The following EPG5 variants were observed in gnomAD, a reference collection of about 807,000 sequenced individuals.
EPG5 encodes ectopic P granules protein 5 homolog.
Under a neutral mutation model 302.7 loss-of-function variants are expected in EPG5, and 159 were observed. That is an observed-to-expected ratio of 0.53 (90% CI 0.46 to 0.60). EPG5 has a LOEUF of 0.60. EPG5 is among the 20% of genes least tolerant of loss of function. EPG5 has a pLI of 0.00. For missense variants in EPG5, 2,896 were observed against 3,092.4 expected, an observed-to-expected ratio of 0.94 and a Z score of 1.51; for synonymous variants, 1,158 against 1,136.8, an observed-to-expected ratio of 1.02 and a Z score of -0.37.
At position 45,901,063 on chromosome 18, in the gene EPG5, G is replaced by C. The variant is rs529503518; in HGVS notation, c.4579C>G (p.Leu1527Val). The change falls in exon 26 of 44, where the codon CTA becomes GTA. Residue 1527 changes from leucine to valine, a missense_variant. Physicochemically the swap from Leu to Val is conservative, Grantham distance 32 (BLOSUM62 1). Transcript: ENST00000282041. ...TGGGTGGCGTCCTTCTGACTCAATA[G>C]CACAGCAGAGGAAATAACTGGCACA... ...PPVPVISSAV[L>V]LSQKDATQLV... The C allele has an allele frequency of 1.2e-6, 2 of 1,614,198 alleles. No homozygotes were observed. The highest frequency in any genetic ancestry group is 2.2e-5 in the South Asian group (2 of 91,086).
chr18:45,837,261 G>A, the EPG5 span, among the ~76,000 whole-genome samples: 1 of 152,214 alleles, frequency 6.6e-6, no homozygotes, highest in East Asian at 1.9e-4. Context: ...TAGTCCCAGG[G>A]AAGAGCCGCG....
chr18:45,941,152 TG>T (rs2050656850), intron 9 of EPG5, among the ~76,000 whole-genome samples: 1 of 152,094 alleles, frequency 6.6e-6, no homozygotes, highest in South Asian at 2.1e-4. Context: ...TTAAGAAGCC[TG>T]GAAGTGAGAA....
chr18:45,870,415 A>T, intron 36 of EPG5, 152 bp downstream of exon 36: 1 of 539,252 alleles, frequency 1.9e-6, no homozygotes, highest in Non-Finnish European at 3.1e-6. Context: ...TCCACAAGAC[A>T]CTGTTTTCCA....
chr18:45,940,410 C>G (rs2050637272), intron 9 of EPG5, among the ~76,000 whole-genome samples: 1 of 152,102 alleles, frequency 6.6e-6, no homozygotes, highest in East Asian at 1.9e-4. Context: ...ACTCACAATT[C>G]ATAAGGAACA....
chr18:45,815,210 C>G, the EPG5 span, among the ~76,000 whole-genome samples: 149,348 of 152,314 alleles, frequency 0.98, 73,229 homozygotes, highest in East Asian at 1. Flanking sequence ...ATGAGATCAT[C>G]TATGTGATAT....
chr18:45,848,611 T>C lies in EPG5; in HGVS notation c.*3856A>G, dbSNP rs568070895. The stretch of plus-strand genomic sequence containing the variant: ...GGGGTAAACCCAAGGAAGCACTCTC[T>C]TGGCACCTGCAAGCAAGCACCAACT... On this transcript the variant is annotated 3_prime_UTR_variant, in exon 44 of 44. Transcript: ENST00000282041. 5 of 152,404 alleles carry C rather than the reference T, an allele frequency of 3.3e-5. No homozygotes were observed. Among genetic ancestry groups the C allele is most frequent in the African/African-American group, 9.6e-5 (4 of 41,594 alleles). 9.4% of individuals were successfully genotyped at this position (152,404 alleles called of 1,614,324 possible). A position where few individuals can be genotyped will look rare whatever the true frequency, so the allele number is the denominator to read the frequency against.
chr18:45,894,961 A>C (rs1305700158), intron 27 of EPG5, among the ~76,000 whole-genome samples: 1 of 152,202 alleles, frequency 6.6e-6, no homozygotes, highest in Non-Finnish European at 1.5e-5. Flanking sequence ...TGGAAAACAG[A>C]CTAGGCAGGG....
chr18:45,949,058 A>C (rs1425338383), intron 5 of EPG5, among the ~76,000 whole-genome samples: 1 of 152,234 alleles, frequency 6.6e-6, no homozygotes, highest in East Asian at 1.9e-4. Context: ...TCCTAAGTAT[A>C]CAAGAGTTGA....
chr18:45,867,351 A>G (rs1486842519), intron 37 of EPG5, among the ~76,000 whole-genome samples: 1 of 152,222 alleles, frequency 6.6e-6, no homozygotes, highest in African/African-American at 2.4e-5. Context: ...TGATTAATAC[A>G]TTCTAACTCA....
Position 45,858,047 on chromosome 18 carries a change from CT to C in EPG5, c.7247del (p.Lys2416SerfsTer24). 6.2e-7 allele frequency: 1 copy of C among 1,613,588 alleles called. No individual in the cohort carries two copies. Among genetic ancestry groups the C allele is most frequent in the Non-Finnish European group, 8.5e-7 (1 of 1,179,726 alleles). ...VYPSSVEEEA[K>X]LFLWWHQVLQ... ...GGACTTGGTGCCACCACAAAAACAG[CT>C]TTGCCTCTTCCTCCACGGAGCTAGG... On this transcript the variant is annotated frameshift_variant, in exon 42 of 44. Transcript: ENST00000282041. LOFTEE classifies it high-confidence loss of function.
At chr18:45,938,611 C>A (rs1176419442) in intron 10 of EPG5, among the ~76,000 whole-genome samples, 2 of 152,106 alleles carry the variant, frequency 1.3e-5, no homozygotes, top group Non-Finnish European at 2.9e-5. Context: ...CCAGATGAAA[C>A]CACACAAGAA....
intron 25 of EPG5, among the ~76,000 whole-genome samples, chr18:45,903,414 G>A (rs72918342): frequency 0.089 from 13,562 of 152,138 alleles, 643 homozygotes; most frequent in African/African-American, 0.12. Flanking sequence ...ACGCGTTTTG[G>A]TTAGTGGCAA....
At chr18:45,832,080 C>A in the EPG5 span, among the ~76,000 whole-genome samples, 1 of 152,234 alleles carries the variant, frequency 6.6e-6, no homozygotes, top group Non-Finnish European at 1.5e-5. Flanking sequence ...TCCCACCACC[C>A]TCTGTTCACA....
At chr18:45,878,341 G>A (rs746286103) in intron 34 of EPG5, 35 bp downstream of exon 34, 48 of 1,412,906 alleles carry the variant, frequency 3.4e-5, no homozygotes, top group East Asian at 4.6e-5. Context: ...GTCTACAAAC[G>A]TCAAAGGAAT....
rs566098183 is a variant in EPG5 at position 45,868,455 on chromosome 18, A to C, written c.6226-707T>G. Among the ~76,000 whole-genome samples, 728 of 151,162 alleles carry C rather than the reference A, an allele frequency of 4.8e-3. 4 individuals carry two copies. Among genetic ancestry groups the C allele is most frequent in the African/African-American group, 0.017 (682 of 41,136 alleles). On this transcript the variant is annotated intron_variant, in intron 36 of 43. Transcript: ENST00000282041. ...TGGCTTCAAGCAATTCTCCTGTCTC[A>C]GCCTCCTGAGTAGCTGGGATTACAG...
the EPG5 span, among the ~76,000 whole-genome samples, chr18:45,812,755 T>G: frequency 6.6e-6 from 1 of 152,218 alleles, no homozygotes; most frequent in Non-Finnish European, 1.5e-5. Context: ...TTACACCTTA[T>G]GCAAAAATTA....
chr18:45,950,931 A>C (rs1025666690), intron 4 of EPG5, among the ~76,000 whole-genome samples, 171 bp downstream of exon 4: 9 of 152,300 alleles, frequency 5.9e-5, no homozygotes, highest in African/African-American at 2.2e-4. Context: ...TCAATAATGC[A>C]CTAGATAAAT....
At chr18:45,866,659 A>G (rs1232367769) in intron 38 of EPG5, 139 bp downstream of exon 38, 6 of 696,436 alleles carry the variant, frequency 8.6e-6, no homozygotes, top group Non-Finnish European at 1.5e-5. Flanking sequence ...CTACAAGGCC[A>G]AAAGATGAGT....
Position 45,952,562 on chromosome 18 carries a change from G to C in EPG5, c.1090C>G (p.Leu364Val). ...VEMNENALVELKKLFDAKSEH... is the reference protein window; with the variant it reads ...VEMNENALVEVKKLFDAKSEH... The stretch of plus-strand genomic sequence containing the variant: ...GATTTGGCATCGAATAGCTTCTTTA[G>C]CTCCACCAGTGCATTTTCATTCATT... Residue 364 changes from leucine (L) to valine (V), a missense_variant, in exon 3 of 44, where the codon CTA (leucine) becomes GTA (valine). This residue lies in a region of EPG5 where 1,390 missense variants were observed against 1,430.0 expected (regional missense o/e 0.97). Coordinates refer to ENST00000282041, the MANE Select transcript of EPG5 (RefSeq NM_020964.3). 1.2e-6 allele frequency: 2 copies of C among 1,614,114 alleles called. No individual in the cohort carries two copies. Among genetic ancestry groups the C allele is most frequent in the South Asian group, 1.1e-5 (1 of 91,074 alleles).
Sources: gnomAD v4.1 joint callset for allele counts (sites outside exome capture counted in the v4.1 genomes callset) on GRCh38, gnomAD v4.1.1 for gene constraint, gnomAD v4.1.1 regional missense constraint, MANE v1.5 for transcripts, NCBI Gene and HGNC (gene_info 2026-07-23, HGNC 2026-07-21) for gene names.